LARP1: variants seen among roughly 807,000 people sequenced by gnomAD.
LARP1 encodes La ribonucleoprotein 1, translational regulator.
LARP1 carries 36 observed loss-of-function variants against 122.7 expected under a neutral mutation model. The observed-to-expected ratio is 0.29, with a 90% confidence interval of 0.22 to 0.39. The LOEUF (loss-of-function observed/expected upper bound fraction) is 0.39, where lower values mean the gene tolerates loss of function less well. Ranked by LOEUF, LARP1 falls within the 10% of genes least tolerant of loss-of-function variation. LARP1 has a pLI of 1.00. For synonymous variants in LARP1, 539 were observed against 528.7 expected, an observed-to-expected ratio of 1.02 and a Z score of -0.27; for missense variants, 1,040 against 1,403.6, an observed-to-expected ratio of 0.74 and a Z score of 4.14.
At chr5:154,800,870 C>A (rs1221111898) in intron 10 of LARP1, among the ~76,000 whole-genome samples, 1 of 152,172 alleles carries the variant, frequency 6.6e-6, no homozygotes, top group Non-Finnish European at 1.5e-5. Context: ...CCTGTTCATA[C>A]ACAGAATTCC....
intron 1 of LARP1, among the ~76,000 whole-genome samples, chr5:154,692,498 ATTG>A (rs999309114): frequency 6.6e-6 from 1 of 152,074 alleles, no homozygotes; most frequent in African/African-American, 2.4e-5. Context: ...CAAGCTTGTC[ATTG>A]TCTTTCCCTA....
intron 8 of LARP1, among the ~76,000 whole-genome samples, chr5:154,797,605 C>T (rs890880909): frequency 1.3e-5 from 2 of 151,438 alleles, no homozygotes; most frequent in African/African-American, 2.4e-5. Context: ...TGCTTTCTTC[C>T]ATGCCCATAA....
chr5:154,788,452 C>T (rs1433975564), intron 1 of LARP1, among the ~76,000 whole-genome samples: 1 of 152,140 alleles, frequency 6.6e-6, no homozygotes, highest in Admixed American at 6.6e-5. Flanking sequence ...AGGACACTCT[C>T]TACTCATTAA....
At position 154,755,890 on chromosome 5, in the gene LARP1, C is replaced by T; in HGVS notation, c.133C>T (p.Arg45Cys). 9.9e-7 allele frequency: 1 copy of T among 1,012,262 alleles called. No homozygotes were observed. The highest frequency in any genetic ancestry group is 1.2e-6 in the Non-Finnish European group (1 of 845,760). 62.7% of individuals were successfully genotyped at this position (1,012,262 alleles called of 1,614,324 possible). ...GKGEPGPNDV[R>C]GGEPDGSARR... ...GGGCGAGCCCGGGCCAAACGACGTC[C>T]GCGGGGGGGAGCCGGACGGCAGCGC... is the stretch of plus-strand genomic sequence containing the variant. The change falls in exon 1 of 19, where the codon CGC becomes TGC. Residue 45 changes from arginine to cysteine, a missense_variant. By Grantham distance (180) the Arg-to-Cys change is radical (BLOSUM62 -3). Around this residue, in one of 8 missense-constraint regions of LARP1, gnomAD observed 257 missense variants for 273.3 expected, o/e 0.94. Coordinates refer to ENST00000518297, the MANE Select transcript of LARP1 (RefSeq NM_033551.3).
At chr5:154,777,708 A>G (rs918912214) in intron 1 of LARP1, among the ~76,000 whole-genome samples, 1 of 152,202 alleles carries the variant, frequency 6.6e-6, no homozygotes, top group Non-Finnish European at 1.5e-5. Context: ...AATTGTTTGT[A>G]ACACAAAGAA....
At chr5:154,813,779 C>T in intron 18 of LARP1, 108 bp from the exon 19 acceptor site, 1 of 895,030 alleles carries the variant, frequency 1.1e-6, no homozygotes, top group Non-Finnish European at 1.8e-6. Flanking sequence ...TAAACCCATT[C>T]ATTTTCTATA....
At chr5:154,804,923 C>T (rs932430311) in intron 14 of LARP1, 28 of 456,094 alleles carry the variant, frequency 6.1e-5, no homozygotes, top group African/African-American at 2.8e-4. Flanking sequence ...CTTTGAACAA[C>T]GAAGGGCGTG....
At chr5:154,737,924 A>G (rs1757003092) in intron 1 of LARP1, among the ~76,000 whole-genome samples, 1 of 151,178 alleles carries the variant, frequency 6.6e-6, no homozygotes, top group Non-Finnish European at 1.5e-5. Flanking sequence ...CCCTTGCTTC[A>G]CTCACACTGC....
intron 1 of LARP1, among the ~76,000 whole-genome samples, chr5:154,780,500 T>C (rs190888268): frequency 2.0e-5 from 3 of 152,316 alleles, no homozygotes; most frequent in Non-Finnish European, 2.9e-5. Context: ...GGAGCAGATA[T>C]TGGCTTCCTG....
chr5:154,790,488 CTG>C (rs1396690403), intron 2 of LARP1, 102 bp downstream of exon 2: 4 of 1,310,174 alleles, frequency 3.1e-6, no homozygotes, highest in African/African-American at 1.5e-5. Context: ...TCTGGATTGT[CTG>C]TGAATTGCAG....
chr5:154,726,510 T>G (rs897879809), intron 1 of LARP1, among the ~76,000 whole-genome samples: 4 of 152,208 alleles, frequency 2.6e-5, no homozygotes, highest in African/African-American at 9.7e-5. Context: ...AAAAGATATG[T>G]GATTAATATA....
upstream of LARP1, among the ~76,000 whole-genome samples, chr5:154,752,792 A>G (rs1339021859): frequency 6.6e-6 from 1 of 151,918 alleles, no homozygotes; most frequent in African/African-American, 2.4e-5. Flanking sequence ...TACAAAAATT[A>G]GCTGGGCATG....
At chr5:154,796,306 C>A (rs1561616664) in intron 8 of LARP1, among the ~76,000 whole-genome samples, 1 of 149,344 alleles carries the variant, frequency 6.7e-6, no homozygotes. Context: ...CATGTGAGCC[C>A]AGGAGTTCAA....
In LARP1 at chr5:154,796,002, ATATT is replaced by A. The variant is rs1235872756; in HGVS notation, c.1377+684_1377+687del. Among the ~76,000 whole-genome samples, 7 of 100,152 alleles carry A rather than the reference ATATT, an allele frequency of 7.0e-5. No individual in the cohort carries two copies. In the East Asian group the frequency reaches 7.2e-4, roughly 10 times the overall value. 65.7% of individuals were successfully genotyped at this position (100,152 alleles called of 152,430 possible). ...ATTTATATATTATATATTTTTATAT[ATATT>A]ATATATTTATATATTATATATATTT... On this transcript the variant is annotated intron_variant, in intron 8 of 18. Coordinates refer to ENST00000518297, the MANE Select transcript of LARP1 (RefSeq NM_033551.3).
intron 8 of LARP1, among the ~76,000 whole-genome samples, chr5:154,795,934 ATTATATAT>A (rs1439462621): frequency 8.3e-6 from 1 of 120,692 alleles, no homozygotes; most frequent in Non-Finnish European, 1.6e-5. Context: ...ATATTTATAT[ATTATATAT>A]TTATATATTA....
chr5:154,731,973 G>T (rs1273096685), intron 1 of LARP1, among the ~76,000 whole-genome samples: 1 of 150,600 alleles, frequency 6.6e-6, no homozygotes, highest in East Asian at 2.0e-4. Flanking sequence ...AGTGAGCCGA[G>T]ATCACGCCAC....
intron 1 of LARP1, among the ~76,000 whole-genome samples, chr5:154,706,295 AAATAATAATAATAATAAT>A (rs138415109): frequency 1.9e-4 from 27 of 142,688 alleles, no homozygotes; most frequent in African/African-American, 4.4e-4. Context: ...CTTTGTCTCA[AAATAATAATAATAATAAT>A]AATAATAATA....
chr5:154,761,535 T>C (rs1405276995), intron 1 of LARP1, among the ~76,000 whole-genome samples: 1 of 151,272 alleles, frequency 6.6e-6, no homozygotes, highest in Non-Finnish European at 1.5e-5. Context: ...CAGATGGGAG[T>C]TCCCCTGTTT....
At chr5:154,789,280 C>G (rs556515854) in intron 1 of LARP1, among the ~76,000 whole-genome samples, 3 of 132,380 alleles carry the variant, frequency 2.3e-5, no homozygotes, top group Non-Finnish European at 4.6e-5. Flanking sequence ...AGTGCAATGA[C>G]GTTATCTCGG....
Sources: allele counts gnomAD v4.1 joint callset (sites outside exome capture counted in the v4.1 genomes callset), GRCh38; gene constraint gnomAD v4.1.1; regional missense constraint gnomAD v4.1.1; transcripts MANE v1.5; gene names NCBI Gene and HGNC (gene_info 2026-07-23, HGNC 2026-07-21).